CNTN3: variants seen among roughly 807,000 people sequenced by gnomAD.
The protein encoded by CNTN3 is contactin 3, also known as contactin-3.
A neutral mutation model predicts 119.1 loss-of-function variants in CNTN3; 60 were observed. The ratio of observed to expected loss-of-function variants is 0.50; its 90% CI spans 0.41 to 0.62. CNTN3 has a LOEUF of 0.62. CNTN3 is among the 20% of genes least tolerant of loss of function. The probability of loss-of-function intolerance (pLI) is 0.00; values close to 1 mark genes in which losing one functional copy is unlikely to be tolerated. For synonymous variants in CNTN3, 450 were observed against 438.7 expected (o/e 1.03, Z -0.32); for missense variants, 1,101 against 1,242.4 (o/e 0.89, Z 1.71).
At chr3:74,610,860 G>T (rs1050751349) in intron 1 of CNTN3, among the ~76,000 whole-genome samples, 1 of 152,220 alleles carries the variant, frequency 6.6e-6, no homozygotes, top group South Asian at 2.1e-4. Context: ...AGTTGTACTA[G>T]TTCCCCAAAA....
intron 4 of CNTN3, among the ~76,000 whole-genome samples, chr3:74,426,773 C>A (rs1701702484): frequency 6.6e-6 from 1 of 152,190 alleles, no homozygotes; most frequent in Non-Finnish European, 1.5e-5. Flanking sequence ...ATGTAACTAA[C>A]TGAGTTAGAA....
intron 13 of CNTN3, among the ~76,000 whole-genome samples, chr3:74,334,185 G>A (rs532762011): frequency 9.9e-5 from 15 of 152,174 alleles, no homozygotes; most frequent in Non-Finnish European, 2.1e-4. Context: ...GAAACACACC[G>A]ATCTGGACTT....
chr3:74,605,172 G>A (rs1312653871), intron 1 of CNTN3, among the ~76,000 whole-genome samples: 2 of 152,032 alleles, frequency 1.3e-5, no homozygotes, highest in African/African-American at 4.8e-5. Context: ...GTTGGTCAAA[G>A]GATACAGAAT....
At chr3:74,336,455 A>G (rs1394167852) in intron 12 of CNTN3, 76 bp downstream of exon 12, 3 of 1,480,672 alleles carry the variant, frequency 2.0e-6, no homozygotes, top group Non-Finnish European at 2.8e-6. Flanking sequence ...ATTGTGAAAC[A>G]CATAGTTACT....
chr3:74,439,337 C>A (rs1475275661), intron 4 of CNTN3, among the ~76,000 whole-genome samples: 1 of 151,878 alleles, frequency 6.6e-6, no homozygotes, highest in Non-Finnish European at 1.5e-5. Flanking sequence ...CAAAACCCCA[C>A]CTCTACTAAA....
At chr3:74,285,910 C>A (rs192622333) in intron 19 of CNTN3, among the ~76,000 whole-genome samples, 2 of 144,968 alleles carry the variant, frequency 1.4e-5, no homozygotes, top group East Asian at 2.1e-4. Context: ...GTGTTCTATA[C>A]AATTTTGCTC....
chr3:74,389,774 A>T (rs1439474254), intron 5 of CNTN3, among the ~76,000 whole-genome samples: 3 of 152,168 alleles, frequency 2.0e-5, no homozygotes, highest in Non-Finnish European at 4.4e-5. Flanking sequence ...AGTTCTGCAC[A>T]AACTAACTCA....
At chr3:74,357,255 T>C (rs1470717950) in intron 11 of CNTN3, among the ~76,000 whole-genome samples, 4 of 151,576 alleles carry the variant, frequency 2.6e-5, no homozygotes, top group African/African-American at 4.9e-5. Flanking sequence ...ACGATTTACA[T>C]AGAAGGCACA....
intron 4 of CNTN3, among the ~76,000 whole-genome samples, chr3:74,455,451 T>C (rs1559611896): frequency 6.6e-6 from 1 of 152,116 alleles, no homozygotes; most frequent in Non-Finnish European, 1.5e-5. Flanking sequence ...GGTTTGAATT[T>C]CCTCCTGTAG....
intron 1 of CNTN3, among the ~76,000 whole-genome samples, chr3:74,575,042 C>T (rs995245092): frequency 6.6e-6 from 1 of 151,560 alleles, no homozygotes; most frequent in Non-Finnish European, 1.5e-5. Context: ...TCCCACCTTA[C>T]CCTCCAAAGT....
At chr3:74,402,914 C>G (rs1477818122) in intron 5 of CNTN3, among the ~76,000 whole-genome samples, 1 of 152,062 alleles carries the variant, frequency 6.6e-6, no homozygotes, top group African/African-American at 2.4e-5. Context: ...AATGCAAGGG[C>G]CCTAACACTG....
chr3:74,432,774 C>A (rs1701805529), intron 4 of CNTN3, among the ~76,000 whole-genome samples: 1 of 152,190 alleles, frequency 6.6e-6, no homozygotes, highest in Admixed American at 6.5e-5. Flanking sequence ...CTCTATTTCC[C>A]AACACCCAAA....
intron 4 of CNTN3, among the ~76,000 whole-genome samples, chr3:74,450,861 C>T (rs989729487): frequency 2.0e-5 from 3 of 151,868 alleles, no homozygotes; most frequent in Non-Finnish European, 2.9e-5. Context: ...TTTATGGCTG[C>T]GTAGTATTCC....
intron 2 of CNTN3, among the ~76,000 whole-genome samples, chr3:74,516,449 A>G (rs1237176138): frequency 1.3e-5 from 2 of 150,678 alleles, no homozygotes; most frequent in Non-Finnish European, 2.9e-5. Flanking sequence ...TCTTCCTTAT[A>G]ATTTTCTTAA....
chr3:74,309,186 C>A (rs916741734), intron 13 of CNTN3, among the ~76,000 whole-genome samples: 6 of 152,106 alleles, frequency 3.9e-5, no homozygotes, highest in Admixed American at 2.6e-4. Flanking sequence ...CACCCTGCAA[C>A]CTCCATCTCC....
chr3:74,571,481 G>A lies in CNTN3; in HGVS notation c.-81+42910C>T, dbSNP rs550715362. ...TCATTGATTGTGGAACCCTGGATACGCTACCTCTCATGACTTCAGCTCCCT... is the reference window on the plus strand; with the variant it reads ...TCATTGATTGTGGAACCCTGGATACACTACCTCTCATGACTTCAGCTCCCT... On this transcript the variant is annotated intron_variant, in intron 1 of 22. Coordinates refer to ENST00000263665, the MANE Select transcript of CNTN3 (RefSeq NM_020872.3). 5.3e-4 allele frequency among the ~76,000 whole-genome samples: 80 copies of A among 152,200 alleles called. 1 individual carries two copies. The highest frequency in any genetic ancestry group is 1.8e-3 in the African/African-American group (76 of 41,546).
rs567314995 is a variant in CNTN3 at position 74,442,146 on chromosome 3, T to TACACACACAC, written c.359-17216_359-17207dup. 8.1e-3 allele frequency among the ~76,000 whole-genome samples: 1,005 copies of TACACACACAC among 123,934 alleles called. 12 individuals are homozygous for TACACACACAC. The highest frequency in any genetic ancestry group is 0.026 in the African/African-American group (922 of 35,626). 81.3% of individuals were successfully genotyped at this position (123,934 alleles called of 152,430 possible). A position where few individuals can be genotyped will look rare whatever the true frequency, so the allele number is the denominator to read the frequency against. On this transcript the variant is annotated intron_variant, in intron 4 of 22. Transcript: ENST00000263665. The stretch of plus-strand genomic sequence containing the variant: ...AAACAAACAGGTAAGTGCATGCAAG[T>TACACACACAC]ACACACACACACACACACACACACA...
intron 1 of CNTN3, among the ~76,000 whole-genome samples, chr3:74,564,467 T>C (rs6784652): frequency 0.99 from 149,799 of 151,650 alleles, 73,997 homozygotes; most frequent in Middle Eastern, 1. Flanking sequence ...TGATTAGATA[T>C]GTGTGTTTGC....
At chr3:74,453,255 G>C (rs1247513461) in intron 4 of CNTN3, among the ~76,000 whole-genome samples, 2 of 152,014 alleles carry the variant, frequency 1.3e-5, no homozygotes, top group African/African-American at 4.8e-5. Context: ...AAGAGTGTAT[G>C]TGTCGAGGAA....
Sources: gnomAD v4.1 joint callset for allele counts (sites outside exome capture counted in the v4.1 genomes callset) on GRCh38, gnomAD v4.1.1 for gene constraint, MANE v1.5 for transcripts, NCBI Gene and HGNC (gene_info 2026-07-23, HGNC 2026-07-21) for gene names.